ARHGEF3: variants seen among roughly 807,000 people sequenced by gnomAD.
ARHGEF3 encodes Rho guanine nucleotide exchange factor 3.
A neutral mutation model predicts 63.2 loss-of-function variants in ARHGEF3; 28 were observed. That is an observed-to-expected ratio of 0.44 (90% CI 0.33 to 0.61). ARHGEF3 has a LOEUF of 0.61. Ranked by LOEUF, ARHGEF3 falls within the 20% of genes least tolerant of loss-of-function variation. The probability of loss-of-function intolerance (pLI) is 0.03; values close to 1 mark genes in which losing one functional copy is unlikely to be tolerated. For synonymous variants in ARHGEF3, 266 were observed against 254.2 expected, an observed-to-expected ratio of 1.05 and a Z score of -0.44; for missense variants, 533 against 659.3, an observed-to-expected ratio of 0.81 and a Z score of 2.10.
rs1347543099 is a variant in ARHGEF3 at position 56,783,206 on chromosome 3, C to T, written c.97-9390G>A. On this transcript the variant is annotated intron_variant, in intron 1 of 9. Transcript: ENST00000296315. ...TAAAAAAACAGGGGTAGAAAGAAAT[C>T]ACACTTTATGACAATTTCTGTAGTC... is the stretch of plus-strand genomic sequence containing the variant. Among the ~76,000 whole-genome samples the T allele has an allele frequency of 2.0e-5, 3 of 152,180 alleles. No individual in the cohort carries two copies. The South Asian group carries it at 6.2e-4, about 32-fold the overall frequency.
intron 3 of ARHGEF3, among the ~76,000 whole-genome samples, chr3:56,899,287 G>A (rs1045919558): frequency 2.0e-5 from 3 of 152,156 alleles, no homozygotes; most frequent in South Asian, 2.1e-4. Context: ...GTGGGGCACC[G>A]GGAGAGTCAG....
intron 4 of ARHGEF3, among the ~76,000 whole-genome samples, chr3:56,823,100 T>C (rs973704110): frequency 6.6e-6 from 1 of 152,184 alleles, no homozygotes; most frequent in African/African-American, 2.4e-5. Context: ...TTCCTCCCCA[T>C]GTATCTTTCC....
chr3:56,918,226 T>C (rs2042034390), intron 3 of ARHGEF3, among the ~76,000 whole-genome samples: 1 of 152,186 alleles, frequency 6.6e-6, no homozygotes, highest in Admixed American at 6.5e-5. Context: ...GGAGGCTCCA[T>C]CACCCAGCCA....
At chr3:56,753,416 G>A (rs993579040) in intron 4 of ARHGEF3, 88 bp downstream of exon 4, 1 of 1,143,710 alleles carries the variant, frequency 8.7e-7, no homozygotes, top group Non-Finnish European at 1.3e-6. Flanking sequence ...CATAAAGACA[G>A]TTCTCACGAA....
intron 4 of ARHGEF3, among the ~76,000 whole-genome samples, chr3:56,868,030 TA>T (rs1308126559): frequency 6.6e-6 from 1 of 152,168 alleles, no homozygotes; most frequent in East Asian, 1.9e-4. Context: ...TTTTGTTAAA[TA>T]CTTCTACTAA....
rs927548333 is a variant in ARHGEF3 at position 57,067,740 on chromosome 3, G to C, written c.-28+11486C>G. On this transcript the variant is annotated intron_variant, in intron 1 of 12. Coordinates refer to the ARHGEF3 transcript ENST00000338458. ...CTCATGCCTGTAATCCCAGCACTTTGAGAGGCCGAGGCGGGCGGATCATGA... is the reference window on the plus strand; with the variant it reads ...CTCATGCCTGTAATCCCAGCACTTTCAGAGGCCGAGGCGGGCGGATCATGA... 2.6e-5 allele frequency among the ~76,000 whole-genome samples: 4 copies of C among 151,116 alleles called. No homozygotes were observed. The East Asian group carries it at 7.8e-4, about 30-fold the overall frequency.
intron 4 of ARHGEF3, among the ~76,000 whole-genome samples, chr3:56,859,841 T>C (rs1476734590): frequency 2.6e-5 from 4 of 151,880 alleles, no homozygotes; most frequent in African/African-American, 4.8e-5. Flanking sequence ...CCCAGCCCCG[T>C]TGGTACACTT....
chr3:56,768,665 T>C (rs1465009360), intron 2 of ARHGEF3, among the ~76,000 whole-genome samples: 1 of 40,478 alleles, frequency 2.5e-5, no homozygotes, highest in African/African-American at 1.5e-4. Context: ...TTAAGCAAAA[T>C]GCAAAAAAAA....
At chr3:56,947,782 C>T (rs142046236) in intron 3 of ARHGEF3, among the ~76,000 whole-genome samples, 17,454 of 152,022 alleles carry the variant, frequency 0.11, 1,239 homozygotes, top group East Asian at 0.25. Flanking sequence ...GCAGACCTAA[C>T]AGACATCTAC....
rs1701040917 is a variant in ARHGEF3 at position 56,974,380 on chromosome 3, T to TAC, written c.63-15493_63-15492dup. Among the ~76,000 whole-genome samples, 12 of 152,308 alleles carry TAC rather than the reference T, an allele frequency of 7.9e-5. No homozygotes were observed. The South Asian group carries it at 2.3e-3, about 29-fold the overall frequency. On this transcript the variant is annotated intron_variant, in intron 2 of 12. Coordinates refer to the ARHGEF3 transcript ENST00000338458. The stretch of plus-strand genomic sequence containing the variant: ...AATACTACTTGGTATTTCTTCAGCA[T>TAC]ACACACACAAAAAAAGTGTTTCCCA...
At chr3:56,813,135 C>G (rs2038135086) in intron 4 of ARHGEF3, among the ~76,000 whole-genome samples, 1 of 152,144 alleles carries the variant, frequency 6.6e-6, no homozygotes, top group African/African-American at 2.4e-5. Context: ...AAAGAGTGCC[C>G]TGCAGGAACA....
At chr3:56,968,229 T>A (rs1448883619) in intron 2 of ARHGEF3, among the ~76,000 whole-genome samples, 57 of 40,654 alleles carry the variant, frequency 1.4e-3, no homozygotes, top group South Asian at 5.0e-3. Context: ...ATATAATATA[T>A]ATATAAATAT....
chr3:57,026,040 AAACCAACACT>A (rs1031435324), intron 2 of ARHGEF3, among the ~76,000 whole-genome samples: 1 of 152,064 alleles, frequency 6.6e-6, no homozygotes, highest in Non-Finnish European at 1.5e-5. Context: ...ACCCCAGACA[AAACCAACACT>A]TAAGATATCT....
Position 56,729,526 on chromosome 3 carries a change from T to G in ARHGEF3, c.1325A>C (p.Asn442Thr), listed in dbSNP as rs1559878053. Residue 442 changes from asparagine to threonine, a missense_variant, in exon 10 of 10, where the codon AAC (asparagine) becomes ACC (threonine). Physicochemically the swap from Asn to Thr is moderately conservative, Grantham distance 65. This residue lies in a region of ARHGEF3 where 151 missense variants were observed against 190.7 expected (regional missense o/e 0.79). Coordinates refer to ENST00000296315, the MANE Select transcript of ARHGEF3 (RefSeq NM_019555.3). ...TGTTTCTTTGGCTTGACGAATACAGTTAAGCCACTGCTGTTTGTTGAAAGT... is the reference window on the plus strand; with the variant it reads ...TGTTTCTTTGGCTTGACGAATACAGGTAAGCCACTGCTGTTTGTTGAAAGT... ...NDTFNKQQWL[N>T]CIRQAKETVL... 2 of 1,614,214 alleles carry G rather than the reference T, an allele frequency of 1.2e-6. No homozygotes were observed. The highest frequency in any genetic ancestry group is 1.1e-5 in the South Asian group (1 of 91,080).
chr3:56,768,423 A>AAC (rs1421388758), intron 2 of ARHGEF3, among the ~76,000 whole-genome samples: 8 of 152,152 alleles, frequency 5.3e-5, no homozygotes, highest in Admixed American at 2.6e-4. Context: ...TTAAAAAAAA[A>AAC]AGGACAAATG....
chr3:56,859,469 A>G (rs1404988037), intron 4 of ARHGEF3, among the ~76,000 whole-genome samples: 1 of 151,406 alleles, frequency 6.6e-6, no homozygotes, highest in African/African-American at 2.4e-5. Flanking sequence ...ATAAAAGCAC[A>G]CCACCTTGTT....
chr3:56,739,922 G>A (rs1184199199), intron 7 of ARHGEF3, among the ~76,000 whole-genome samples: 12 of 147,034 alleles, frequency 8.2e-5, no homozygotes, highest in Admixed American at 1.3e-4. Flanking sequence ...TTTTTGAGAC[G>A]GAGTCTTGTT....
chr3:57,073,879 G>A (rs752646153), intron 1 of ARHGEF3: 2 of 1,614,204 alleles, frequency 1.2e-6, no homozygotes, highest in African/African-American at 1.3e-5. Context: ...GTCCTGCCAG[G>A]AGCAGCCTCT....
At chr3:57,002,686 T>C (rs1450868942) in intron 2 of ARHGEF3, among the ~76,000 whole-genome samples, 2 of 149,162 alleles carry the variant, frequency 1.3e-5, no homozygotes, top group African/African-American at 4.9e-5. Context: ...CATTATTTCG[T>C]CACCCAGGAA....
Sources: allele counts gnomAD v4.1 joint callset (sites outside exome capture counted in the v4.1 genomes callset), GRCh38; gene constraint gnomAD v4.1.1; regional missense constraint gnomAD v4.1.1; transcripts MANE v1.5; gene names NCBI Gene and HGNC (gene_info 2026-07-23, HGNC 2026-07-21).